CCKAR: variants seen among roughly 807,000 people sequenced by gnomAD.
CCKAR encodes cholecystokinin A receptor.
In CCKAR, 21 loss-of-function variants were observed where a neutral mutation model predicts 29.8. The ratio of observed to expected loss-of-function variants is 0.70; its 90% CI spans 0.50 to 1.01. The LOEUF (loss-of-function observed/expected upper bound fraction) is 1.01, where lower values mean the gene tolerates loss of function less well. CCKAR is among the 50% of genes least tolerant of loss of function. The pLI is 0.00. For missense variants in CCKAR, 570 were observed against 560.6 expected (o/e 1.02, Z -0.17); for synonymous variants, 238 against 221.3 (o/e 1.08, Z -0.67).
intron 2 of CCKAR, among the ~76,000 whole-genome samples, chr4:26,486,937 G>C (rs1737463382): frequency 6.6e-6 from 1 of 151,960 alleles, no homozygotes; most frequent in Non-Finnish European, 1.5e-5. Context: ...AATAAATCAT[G>C]TACTTCTTGG....
chr4:26,490,273 C>A lies in CCKAR; in HGVS notation c.-6G>T, dbSNP rs936912521. 3 of 1,582,222 alleles carry A rather than the reference C, an allele frequency of 1.9e-6. No individual in the cohort carries two copies. Among genetic ancestry groups the A allele is most frequent in the Non-Finnish European group, 2.6e-6 (3 of 1,151,260 alleles). The stretch of plus-strand genomic sequence containing the variant: ...AGGCTGTCAACCACATCCATCCTTG[C>A]CTGCTGCTTTCCACCAAGTGCTGGA... On this transcript the variant is annotated 5_prime_UTR_variant, in exon 1 of 5. Coordinates refer to ENST00000295589, the MANE Select transcript of CCKAR (RefSeq NM_000730.3).
rs1737344052 is a variant in CCKAR, at chr4:26,481,574, C to A, written c.*64G>T. The stretch of plus-strand genomic sequence containing the variant: ...CTGCTCCTTCTCTTCCTGATCTCTT[C>A]TTCCGTTCTTTCTTCTCTGCCTCCT... On this transcript the variant is annotated 3_prime_UTR_variant, in exon 5 of 5. Transcript: ENST00000295589. 2 of 1,557,462 alleles carry A rather than the reference C, an allele frequency of 1.3e-6. No individual in the cohort carries two copies. The highest frequency in any genetic ancestry group is 1.8e-6 in the Non-Finnish European group (2 of 1,130,286).
intron 2 of CCKAR, among the ~76,000 whole-genome samples, chr4:26,486,141 T>A (rs540437512): frequency 5.3e-5 from 8 of 152,354 alleles, no homozygotes; most frequent in Non-Finnish European, 1.0e-4. Flanking sequence ...TTTAATAAGT[T>A]TATTGAGCTT....
At chr4:26,487,981 G>A (rs1737481423) in intron 2 of CCKAR, among the ~76,000 whole-genome samples, 1 of 150,984 alleles carries the variant, frequency 6.6e-6, no homozygotes, top group Non-Finnish European at 1.5e-5. Context: ...TTGGTGGCAC[G>A]AGGGTCAGTA....
chr4:26,489,623 A>G (rs1737519788), intron 1 of CCKAR, 139 bp from the exon 2 acceptor site: 1 of 901,978 alleles, frequency 1.1e-6, no homozygotes, highest in Non-Finnish European at 1.7e-6. Context: ...CTGTCCTGGC[A>G]ACATTTTGCG....
rs1449890427 is a variant in CCKAR, at chr4:26,489,251, T to C, written c.346A>G (p.Thr116Ala). Residue 116 changes from threonine to alanine, a missense_variant, in exon 2 of 5, where the codon ACC becomes GCC. By Grantham distance (58) the Thr-to-Ala change is moderately conservative (BLOSUM62 0). Coordinates refer to ENST00000295589, the MANE Select transcript of CCKAR (RefSeq NM_000730.3). Reference protein sequence around the residue: ...DFIFGSAVCKTTTYFMGTSVS... With the variant: ...DFIFGSAVCKATTYFMGTSVS... ...AACTTACCCATGAAGTAGGTGGTGGTCTTGCAAACGGCGCTCCCGAAGATG... is the reference window on the plus strand; with the variant it reads ...AACTTACCCATGAAGTAGGTGGTGGCCTTGCAAACGGCGCTCCCGAAGATG... The C allele has an allele frequency of 6.2e-7, 1 of 1,613,908 alleles. No individual in the cohort carries two copies. Among genetic ancestry groups the C allele is most frequent in the African/African-American group, 1.3e-5 (1 of 74,884 alleles).
At chr4:26,485,194 C>CAAAAAAAAAA (rs11308927) in intron 3 of CCKAR, among the ~76,000 whole-genome samples, 1 of 105,530 alleles carries the variant, frequency 9.5e-6, no homozygotes, top group Non-Finnish European at 2.1e-5. Context: ...AATTCCGTCT[C>CAAAAAAAAAA]AAAAAAAAAA....
At chr4:26,483,577 TAA>T (rs1737393221) in intron 3 of CCKAR, among the ~76,000 whole-genome samples, 1 of 152,210 alleles carries the variant, frequency 6.6e-6, no homozygotes, top group African/African-American at 2.4e-5. Flanking sequence ...CTTTAAAAAA[TAA>T]GAGTATGTGA....
At chr4:26,490,106 C>G in intron 1 of CCKAR, 50 bp downstream of exon 1, 1 of 1,225,938 alleles carries the variant, frequency 8.2e-7, no homozygotes, top group South Asian at 1.2e-5. Context: ...GCTGATTTCT[C>G]CCACAACTCA....
In CCKAR at chr4:26,485,742, G is replaced by A; in HGVS notation, c.521C>T (p.Thr174Ile). 6.2e-7 allele frequency: 1 copy of A among 1,614,176 alleles called. No individual in the cohort carries two copies. Among genetic ancestry groups the A allele is most frequent in the Non-Finnish European group, 8.5e-7 (1 of 1,180,030 alleles). Reference sequence around the variant, plus strand: ...CAAGTTGCTATAAATGGGGTACGGAGTCATGATGGTAAAGGAAAGGCACCA... The same window carrying A: ...CAAGTTGCTATAAATGGGGTACGGAATCATGATGGTAAAGGAAAGGCACCA... Reference protein sequence around the residue: ...ATWCLSFTIMTPYPIYSNLVP... With the variant: ...ATWCLSFTIMIPYPIYSNLVP... The change falls in exon 3 of 5, where the codon ACT becomes ATT. Residue 174 changes from threonine (T) to isoleucine (I), a missense_variant. By Grantham distance (89) the Thr-to-Ile change is moderately conservative. Transcript: ENST00000295589.
Position 26,481,940 on chromosome 4 carries a change from T to C in CCKAR, c.985A>G (p.Ile329Val), listed in dbSNP as rs1737356505. The change falls in exon 5 of 5, where the codon ATC (isoleucine) becomes GTC (valine). Residue 329 changes from isoleucine (I) to valine (V), a missense_variant. Physicochemically the swap from Ile to Val is conservative, Grantham distance 29. Coordinates refer to ENST00000295589, the MANE Select transcript of CCKAR (RefSeq NM_000730.3). ...GCCCGCCAGGCGTTGGCGCTGAAGA[T>C]GGGCATCCAGCACAGGAAGAAGAGG... is the stretch of plus-strand genomic sequence containing the variant. ...VVLFFLCWMP[I>V]FSANAWRAYD... The C allele has an allele frequency of 1.2e-6, 2 of 1,614,100 alleles. No homozygotes were observed. The highest frequency in any genetic ancestry group is 2.7e-5 in the African/African-American group (2 of 74,930).
At chr4:26,489,621 G>T in intron 1 of CCKAR, 137 bp from the exon 2 acceptor site, 2 of 897,274 alleles carry the variant, frequency 2.2e-6, no homozygotes, top group Non-Finnish European at 3.3e-6. Context: ...TCCTGTCCTG[G>T]CAACATTTTG....
At position 26,481,738 on chromosome 4, in the gene CCKAR, G is replaced by T. The variant is rs200308893; in HGVS notation, c.1187C>A (p.Ala396Glu). 6.2e-7 allele frequency: 1 copy of T among 1,614,086 alleles called. No homozygotes were observed. Among genetic ancestry groups the T allele is most frequent in the Non-Finnish European group, 8.5e-7 (1 of 1,179,988 alleles). Residue 396 changes from alanine to glutamate, a missense_variant, in exon 5 of 5, where the codon GCG (alanine) becomes GAG (glutamate). Ala to Glu is a moderately radical substitution (Grantham distance 107, BLOSUM62 -1). Transcript: ENST00000295589. ...PCCPNPGPPGARGEVGEEEEG... is the reference protein window; with the variant it reads ...PCCPNPGPPGERGEVGEEEEG... ...CTCCTCCTCCCCCACCTCTCCCCTC[G>T]CCCCTGGGGGACCAGGATTGGGGCA...
In CCKAR at chr4:26,481,673, A is replaced by G. The variant is rs1398074949; in HGVS notation, c.1252T>C (p.Tyr418His). ...GGCACCGAGGCACTCATATGGCTGT[A>G]CGAGAACCTGGACAGAGAGGCTCCT... Reference protein sequence around the residue: ...TTGASLSRFSYSHMSASVPPQ With the variant: ...TTGASLSRFSHSHMSASVPPQ The change falls in exon 5 of 5, where the codon TAC becomes CAC. Residue 418 changes from tyrosine to histidine, a missense_variant. Tyr to His is a moderately conservative substitution (Grantham distance 83, BLOSUM62 2). Transcript: ENST00000295589. 1 of 1,613,980 alleles carries G rather than the reference A, an allele frequency of 6.2e-7. No homozygotes were observed. Among genetic ancestry groups the G allele is most frequent in the African/African-American group, 1.3e-5 (1 of 74,910 alleles).
Position 26,481,787 on chromosome 4 carries a change from CG to C in CCKAR, c.1137del (p.Gly380AlafsTer42), listed in dbSNP as rs759194263. The C allele has an allele frequency of 4.3e-6, 7 of 1,613,868 alleles. No homozygotes were observed. Among genetic ancestry groups the C allele is most frequent in the Non-Finnish European group, 5.9e-6 (7 of 1,179,952 alleles). On this transcript the variant is annotated frameshift_variant, in exon 5 of 5. Coordinates refer to ENST00000295589, the MANE Select transcript of CCKAR (RefSeq NM_000730.3). LOFTEE classifies it high-confidence loss of function. ...CAGCAGGGGAAGGTGGCCATGAAGC[CG>C]AGGCGGAAGCGTTTGTTCATGAAGC... ...IYCFMNKRFR[L>X]GFMATFPCCP...
chr4:26,485,767 A>T lies in CCKAR; in HGVS notation c.496T>A (p.Trp166Arg). The change falls in exon 3 of 5, where the codon TGG becomes AGG. Residue 166 changes from tryptophan to arginine, a missense_variant. Coordinates refer to ENST00000295589, the MANE Select transcript of CCKAR (RefSeq NM_000730.3). Reference sequence around the variant, plus strand: ...GTCATGATGGTAAAGGAAAGGCACCAGGTAGCAGCAATCACCTTCAAAGCA... The same window carrying T: ...GTCATGATGGTAAAGGAAAGGCACCTGGTAGCAGCAATCACCTTCAAAGCA... ...SHALKVIAAT[W>R]CLSFTIMTPY... The T allele has an allele frequency of 1.9e-6, 3 of 1,614,208 alleles. No homozygotes were observed. The highest frequency in any genetic ancestry group is 1.3e-5 in the African/African-American group (1 of 75,056).
Position 26,482,015 on chromosome 4 carries a change from T to G in CCKAR, c.910A>C (p.Asn304His), listed in dbSNP as rs201121639. The G allele has an allele frequency of 4.3e-4, 697 of 1,614,124 alleles. 1 individual carries two copies. The highest frequency in any genetic ancestry group is 5.2e-4 in the Admixed American group (31 of 60,004). ...NRIRSNSSAA[N>H]LMAKKRVIRM... ...ATCACCCTTTTCTTGGCCATCAGGT[T>G]GGCTGCGGAGCTGTTACTCCGGATG... The change falls in exon 5 of 5, where the codon AAC becomes CAC. Residue 304 changes from asparagine to histidine, a missense_variant. Transcript: ENST00000295589.
At chr4:26,482,298 C>T in intron 4 of CCKAR, 128 bp from the exon 5 acceptor site, 1 of 784,118 alleles carries the variant, frequency 1.3e-6, no homozygotes, top group South Asian at 1.7e-5. Flanking sequence ...GACAACCTGG[C>T]CTTACACTGA....
At position 26,490,319 on chromosome 4, in the gene CCKAR, C is replaced by A. The variant is rs202039613; in HGVS notation, c.-52G>T. ...CTGGAGAGCTGGTGAATTGCTCACT[C>A]CCGGCTCATTCCTCTAATGACCGAA... On this transcript the variant is annotated 5_prime_UTR_variant, in exon 1 of 5. It introduces an in-frame stop codon into an upstream open reading frame of the 5' UTR. Coordinates refer to ENST00000295589, the MANE Select transcript of CCKAR (RefSeq NM_000730.3). 1.6e-3 allele frequency: 1,878 copies of A among 1,209,366 alleles called. 29 individuals are homozygous for A. The South Asian group carries it at 0.022, about 14-fold the overall frequency. 74.9% of individuals were successfully genotyped at this position (1,209,366 alleles called of 1,614,324 possible).
Sources: gnomAD v4.1 joint callset for allele counts (sites outside exome capture counted in the v4.1 genomes callset) on GRCh38, gnomAD v4.1.1 for gene constraint, MANE v1.5 for transcripts, NCBI Gene and HGNC (gene_info 2026-07-23, HGNC 2026-07-21) for gene names.